Variants in TIPIN observed in about 807,000 individuals in gnomAD.
TIPIN encodes the protein TIMELESS-interacting protein.
A neutral mutation model predicts 35.6 loss-of-function variants in TIPIN; 29 were observed. The ratio of observed to expected loss-of-function variants is 0.82; its 90% CI spans 0.61 to 1.11. The LOEUF (loss-of-function observed/expected upper bound fraction) is 1.11, where lower values mean the gene tolerates loss of function less well. Among genes scored for constraint, TIPIN ranks in the 50% most tolerant of loss-of-function variants. TIPIN has a pLI of 0.00. For synonymous variants in TIPIN, 102 were observed against 121.5 expected, an observed-to-expected ratio of 0.84 and a Z score of 1.06; for missense variants, 296 against 345.4, an observed-to-expected ratio of 0.86 and a Z score of 1.13.
rs1595823399 is a variant in TIPIN, at chr15:66,379,931, G to A, written c.-9+6676C>T. 13 of 1,257,534 alleles carry A rather than the reference G, an allele frequency of 1.0e-5. No homozygotes were observed. In the East Asian group the frequency reaches 2.1e-4, roughly 21 times the overall value. The allele number at this position is 1,257,534 out of a possible 1,614,324, so 77.9% of individuals were successfully genotyped here. On this transcript the variant is annotated intron_variant, in intron 1 of 7. Transcript: ENST00000562124. ...TGGTCTTCACTCTCGCAGTACACACGGCAAAGGACCTGGAATTTATTATAG... is the reference window on the plus strand; with the variant it reads ...TGGTCTTCACTCTCGCAGTACACACAGCAAAGGACCTGGAATTTATTATAG...
At chr15:66,376,379 T>C (rs1258574778) in intron 1 of TIPIN, among the ~76,000 whole-genome samples, 1 of 152,152 alleles carries the variant, frequency 6.6e-6, no homozygotes, top group Non-Finnish European at 1.5e-5. Flanking sequence ...GCAGTAATCA[T>C]GTATGTAGAA....
chr15:66,352,063 A>C, intron 3 of TIPIN, 66 bp downstream of exon 3: 2 of 1,343,450 alleles, frequency 1.5e-6, no homozygotes, highest in South Asian at 1.4e-5. Context: ...AGTTTATAAC[A>C]TTAGAAGAAA....
At chr15:66,378,655 TA>T (rs933948645) in intron 1 of TIPIN, among the ~76,000 whole-genome samples, 23 of 147,368 alleles carry the variant, frequency 1.6e-4, no homozygotes, top group South Asian at 2.1e-4. Context: ...CATTCCAAAA[TA>T]AAAAAAAAAA....
chr15:66,361,065 G>A (rs1220806956), upstream of TIPIN, among the ~76,000 whole-genome samples: 2 of 42 alleles, frequency 0.048, no homozygotes, highest in East Asian at 0.33. Context: ...CTGGGAGGCG[G>A]GAGGTTGCAG....
At chr15:66,338,813 C>CAAAAAAAAAAAAAAAA (rs35966273) in intron 7 of TIPIN, among the ~76,000 whole-genome samples, 4 of 35,254 alleles carry the variant, frequency 1.1e-4, no homozygotes, top group African/African-American at 1.3e-4. Context: ...GACTCCGTCT[C>CAAAAAAAAAAAAAAAA]AAAAAAAAAA....
chr15:66,383,708 T>C (rs1212092057), intron 1 of TIPIN: 1 of 447,056 alleles, frequency 2.2e-6, no homozygotes, highest in East Asian at 1.6e-4. Flanking sequence ...GGGAAAGAAA[T>C]GGGGAGATGT....
chr15:66,354,703 C>A (rs1407327121), intron 1 of TIPIN, among the ~76,000 whole-genome samples: 1 of 152,176 alleles, frequency 6.6e-6, no homozygotes, highest in Non-Finnish European at 1.5e-5. Flanking sequence ...AGAGCTATAT[C>A]CCTCAGGCCA....
chr15:66,348,011 T>TC (rs924143753), intron 6 of TIPIN, among the ~76,000 whole-genome samples: 3 of 149,102 alleles, frequency 2.0e-5, no homozygotes, highest in African/African-American at 7.4e-5. Context: ...TTTCTTTCTT[T>TC]TTTTTTTTTT....
chr15:66,359,086 A>G (rs2093219858), upstream of TIPIN, among the ~76,000 whole-genome samples: 1 of 151,008 alleles, frequency 6.6e-6, no homozygotes, highest in Admixed American at 6.6e-5. Context: ...CCGGATGTCG[A>G]GGCTGCAGTG....
At chr15:66,381,185 C>T (rs1423091074) in intron 1 of TIPIN, among the ~76,000 whole-genome samples, 2 of 152,078 alleles carry the variant, frequency 1.3e-5, no homozygotes, top group Non-Finnish European at 2.9e-5. Flanking sequence ...CCTGTAATCC[C>T]GGCACTTTGG....
chr15:66,352,711 G>A, intron 2 of TIPIN, 104 bp downstream of exon 2: 1 of 1,280,976 alleles, frequency 7.8e-7, no homozygotes. Context: ...TCAAATTCCT[G>A]ACCTTGTGAT....
At chr15:66,364,727 G>C (rs995439616) in intron 1 of TIPIN, among the ~76,000 whole-genome samples, 3 of 152,018 alleles carry the variant, frequency 2.0e-5, no homozygotes, top group African/African-American at 7.2e-5. Flanking sequence ...AGCACTTTGG[G>C]AGGCCGAGGC....
At chr15:66,356,369 G>A (rs1054019324) in intron 1 of TIPIN, among the ~76,000 whole-genome samples, 3 of 152,100 alleles carry the variant, frequency 2.0e-5, no homozygotes, top group African/African-American at 7.2e-5. Flanking sequence ...CAGAAGCCTG[G>A]GGTAAAGATG....
intron 7 of TIPIN, among the ~76,000 whole-genome samples, chr15:66,339,658 A>G (rs2093071292): frequency 6.6e-6 from 1 of 152,052 alleles, no homozygotes; most frequent in Non-Finnish European, 1.5e-5. Flanking sequence ...GCTTGAGACT[A>G]GAAGTTCAAG....
At chr15:66,342,186 C>CAAAAAAAAAAAAAA (rs55711983) in intron 6 of TIPIN, among the ~76,000 whole-genome samples, 5 of 108,502 alleles carry the variant, frequency 4.6e-5, no homozygotes, top group African/African-American at 7.8e-5. Context: ...AAGACTGTCT[C>CAAAAAAAAAAAAAA]AAAAAAAAAA....
intron 4 of TIPIN, among the ~76,000 whole-genome samples, chr15:66,351,130 T>A (rs2093165156): frequency 6.6e-6 from 1 of 152,146 alleles, no homozygotes; most frequent in Non-Finnish European, 1.5e-5. Context: ...AACCACACTT[T>A]ACTGACATTT....
At chr15:66,364,390 TCCTGA>T (rs1459313230) in intron 1 of TIPIN, among the ~76,000 whole-genome samples, 1 of 151,828 alleles carries the variant, frequency 6.6e-6, no homozygotes. Context: ...GGTCTTGAAC[TCCTGA>T]CCTCGTGATC....
rs1481378193 is a variant in TIPIN at position 66,337,028 on chromosome 15, A to C, written c.836T>G (p.Leu279Arg). 1.2e-6 allele frequency: 2 copies of C among 1,614,128 alleles called. No individual in the cohort carries two copies. Among genetic ancestry groups the C allele is most frequent in the African/African-American group, 2.7e-5 (2 of 75,062 alleles). Residue 279 changes from leucine to arginine, a missense_variant, in exon 8 of 8, where the codon CTG becomes CGG. Physicochemically the swap from Leu to Arg is moderately radical, Grantham distance 102. Coordinates refer to ENST00000261881, the MANE Select transcript of TIPIN (RefSeq NM_017858.3). Reference protein sequence around the residue: ...ANTLNEEETLLDQSFKNVQQQ... With the variant: ...ANTLNEEETLRDQSFKNVQQQ... Reference sequence around the variant, plus strand: ...TTGCACATTTTTAAAAGACTGGTCCAGCAGTGTTTCCTCTTCATTTAAAGT... The same window carrying C: ...TTGCACATTTTTAAAAGACTGGTCCCGCAGTGTTTCCTCTTCATTTAAAGT...
chr15:66,354,852 C>G (rs2093192740), intron 1 of TIPIN, among the ~76,000 whole-genome samples: 1 of 152,072 alleles, frequency 6.6e-6, no homozygotes. Context: ...TTCATAGTGT[C>G]AAGTACAAGT....
Sources: allele counts gnomAD v4.1 joint callset (sites outside exome capture counted in the v4.1 genomes callset), GRCh38; gene constraint gnomAD v4.1.1; transcripts MANE v1.5; gene names NCBI Gene and HGNC (gene_info 2026-07-23, HGNC 2026-07-21).